The following PDE4D variants were observed in gnomAD, a reference collection of about 807,000 sequenced individuals.
PDE4D encodes the protein 3',5'-cyclic-AMP phosphodiesterase 4D.
Under a neutral mutation model 87.4 loss-of-function variants are expected in PDE4D, and 24 were observed. That is an observed-to-expected ratio of 0.27 (90% CI 0.20 to 0.39). The LOEUF (loss-of-function observed/expected upper bound fraction) is 0.39. Ranked by LOEUF, PDE4D falls within the 10% of genes least tolerant of loss-of-function variation. PDE4D has a pLI of 1.00. For synonymous variants in PDE4D, 384 were observed against 383.2 expected (o/e 1.00, Z -0.02); for missense variants, 714 against 1,041.0 (o/e 0.69, Z 4.32).
At chr5:58,995,040 A>G (rs1361783536) in intron 6 of PDE4D, among the ~76,000 whole-genome samples, 6 of 150,182 alleles carry the variant, frequency 4.0e-5, no homozygotes, top group African/African-American at 1.2e-4. Context: ...AATGCTGGGG[A>G]AAAAACAAAC....
chr5:60,068,579 T>C (rs930664696), intron 2 of PDE4D, among the ~76,000 whole-genome samples: 16 of 151,998 alleles, frequency 1.1e-4, no homozygotes, highest in African/African-American at 3.9e-4. Context: ...ATTCATATCA[T>C]TATTTTATTA....
intron 2 of PDE4D, among the ~76,000 whole-genome samples, chr5:60,104,662 A>G (rs11743977): frequency 0.14 from 21,024 of 152,118 alleles, 1,495 homozygotes; most frequent in Middle Eastern, 0.23. Context: ...CTCTGAGACA[A>G]AACTTCCAGA....
intron 2 of PDE4D, among the ~76,000 whole-genome samples, chr5:60,110,076 A>C (rs781295045): frequency 3.3e-5 from 5 of 152,086 alleles, no homozygotes; most frequent in Non-Finnish European, 7.4e-5. Context: ...GGAATGAGCG[A>C]AGTGGTACTC....
intron 1 of PDE4D, among the ~76,000 whole-genome samples, chr5:60,502,242 C>G (rs1172056318): frequency 6.6e-6 from 1 of 152,160 alleles, no homozygotes; most frequent in South Asian, 2.1e-4. Flanking sequence ...TTTCCCAGGA[C>G]CATTTATTAA....
At chr5:59,437,327 T>A (rs1011198908) in intron 1 of PDE4D, among the ~76,000 whole-genome samples, 1 of 152,214 alleles carries the variant, frequency 6.6e-6, no homozygotes, top group Admixed American at 6.5e-5. Flanking sequence ...TGTCCTATAC[T>A]ACTTCCCACA....
At chr5:59,997,425 C>A (rs755148708) in intron 2 of PDE4D, among the ~76,000 whole-genome samples, 2 of 152,086 alleles carry the variant, frequency 1.3e-5, no homozygotes, top group African/African-American at 4.8e-5. Flanking sequence ...TCTTCATTCT[C>A]AAGTTTTATT....
At position 60,420,110 on chromosome 5, in the gene PDE4D, G is replaced by A. The variant is rs1400810413; in HGVS notation, c.-90+67832C>T. Among the ~76,000 whole-genome samples, 6 of 152,254 alleles carry A rather than the reference G, an allele frequency of 3.9e-5. No individual in the cohort carries two copies. The East Asian group carries it at 1.2e-3, about 29-fold the overall frequency. On this transcript the variant is annotated intron_variant, in intron 1 of 16. Transcript: ENST00000502484. ...ATCAGGTTGAGAGAACAGAAATAGT[G>A]GAGGTCAAGTAATGCTGGAAGAAGA... is the stretch of plus-strand genomic sequence containing the variant.
chr5:60,264,625 C>T (rs531971124), intron 1 of PDE4D, among the ~76,000 whole-genome samples: 84 of 152,344 alleles, frequency 5.5e-4, no homozygotes, highest in African/African-American at 2.0e-3. Flanking sequence ...TCAGCGACAT[C>T]TGTCAATGTT....
chr5:59,986,553 T>C (rs941506283), intron 3 of PDE4D: 2 of 152,266 alleles, frequency 1.3e-5, no homozygotes, highest in African/African-American at 4.8e-5. Context: ...TTATAATCTC[T>C]TCTTCCACAA....
intron 1 of PDE4D, among the ~76,000 whole-genome samples, chr5:59,793,395 G>A (rs1344513746): frequency 6.6e-6 from 1 of 152,176 alleles, no homozygotes; most frequent in East Asian, 1.9e-4. Flanking sequence ...GTTAATAAAT[G>A]TCCTTATGTA....
At chr5:59,439,107 C>A (rs1797206636) in intron 1 of PDE4D, among the ~76,000 whole-genome samples, 1 of 152,016 alleles carries the variant, frequency 6.6e-6, no homozygotes, top group South Asian at 2.1e-4. Context: ...ATCTGTAATC[C>A]CAGCACTTTG....
intron 1 of PDE4D, among the ~76,000 whole-genome samples, chr5:59,831,097 G>A (rs2152697521): frequency 6.6e-6 from 1 of 152,058 alleles, no homozygotes; most frequent in South Asian, 2.1e-4. Context: ...AATGGAATGA[G>A]AAAGGGTCAG....
rs143905239 is a variant in PDE4D at position 59,585,306 on chromosome 5, T to G, written c.455+307862A>C. ...CCAGCAGGTGATTTTGGTGGTACCT[T>G]AAGCTCTCAGGGAGCTTTCATTTGA... On this transcript the variant is annotated intron_variant, in intron 1 of 14. Transcript: ENST00000340635. Among the ~76,000 whole-genome samples the G allele has an allele frequency of 3.9e-5, 6 of 152,320 alleles. No homozygotes were observed. The East Asian group carries it at 1.2e-3, about 29-fold the overall frequency.
intron 2 of PDE4D, among the ~76,000 whole-genome samples, chr5:60,037,232 T>G (rs1767914149): frequency 1.3e-5 from 2 of 152,160 alleles, no homozygotes; most frequent in South Asian, 2.1e-4. Context: ...TTACATGCAA[T>G]ACAATATGTT....
chr5:59,769,762 A>G (rs1763255743), intron 1 of PDE4D, among the ~76,000 whole-genome samples: 1 of 152,198 alleles, frequency 6.6e-6, no homozygotes, highest in Non-Finnish European at 1.5e-5. Flanking sequence ...ATTGAAATCA[A>G]ATCACATCTC....
rs1743016230 is a variant in PDE4D at position 58,973,604 on chromosome 5, T to TATC, written c.*1057_*1059dup. On this transcript the variant is annotated 3_prime_UTR_variant, in exon 15 of 15. Transcript: ENST00000340635. ...CCATTTTAGCTACTGGGTATTTATATATCTCCCACTTGCTTCAGACAACAC... is the reference window on the plus strand; with the variant it reads ...CCATTTTAGCTACTGGGTATTTATATATCATCTCCCACTTGCTTCAGACAACAC... 1 of 152,566 alleles carries TATC rather than the reference T, an allele frequency of 6.6e-6. No individual in the cohort carries two copies. The highest frequency in any genetic ancestry group is 1.5e-5 in the Non-Finnish European group (1 of 68,020). 9.5% of individuals were successfully genotyped at this position (152,566 alleles called of 1,614,324 possible).
intron 1 of PDE4D, among the ~76,000 whole-genome samples, chr5:59,639,187 C>T (rs914140531): frequency 1.3e-5 from 2 of 151,870 alleles, no homozygotes; most frequent in Non-Finnish European, 2.9e-5. Context: ...TGTATAGTCT[C>T]GATATTACTG....
chr5:60,049,749 A>C (rs985876144), intron 2 of PDE4D, among the ~76,000 whole-genome samples: 11 of 152,212 alleles, frequency 7.2e-5, no homozygotes, highest in Non-Finnish European at 1.3e-4. Flanking sequence ...GCATGCTGGG[A>C]GAACCACTGC....
chr5:59,542,292 G>A (rs1301057287), intron 1 of PDE4D, among the ~76,000 whole-genome samples: 2 of 152,068 alleles, frequency 1.3e-5, no homozygotes, highest in Admixed American at 6.6e-5. Context: ...CATTTTCAGG[G>A]CTGAGCGTAT....
Sources: allele counts gnomAD v4.1 joint callset (sites outside exome capture counted in the v4.1 genomes callset), GRCh38; gene constraint gnomAD v4.1.1; transcripts MANE v1.5; gene names NCBI Gene and HGNC (gene_info 2026-07-23, HGNC 2026-07-21).